SSBP2: variants seen among roughly 807,000 people sequenced by gnomAD.
SSBP2 encodes the protein single-stranded DNA-binding protein 2.
A neutral mutation model predicts 61.8 loss-of-function variants in SSBP2; 17 were observed. The ratio of observed to expected loss-of-function variants is 0.28; its 90% confidence interval spans 0.19 to 0.41. The LOEUF (loss-of-function observed/expected upper bound fraction) is 0.41. SSBP2 is among the 10% of genes least tolerant of loss of function. SSBP2 has a pLI of 1.00. For missense variants in SSBP2, 310 were observed against 458.7 expected, an observed-to-expected ratio of 0.68 and a Z score of 2.96; for synonymous variants, 139 against 141.3, an observed-to-expected ratio of 0.98 and a Z score of 0.12.
intron 8 of SSBP2, among the ~76,000 whole-genome samples, chr5:81,467,995 T>C (rs1765006759): frequency 6.6e-6 from 1 of 152,030 alleles, no homozygotes; most frequent in Non-Finnish European, 1.5e-5. Context: ...CTGATCATGA[T>C]GTCTTTCCTA....
At position 81,751,048 on chromosome 5, in the gene SSBP2, T is replaced by C; in HGVS notation, c.-6A>G. The C allele has an allele frequency of 6.3e-7, 1 of 1,591,098 alleles. No individual in the cohort carries two copies. Among genetic ancestry groups the C allele is most frequent in the Non-Finnish European group, 8.6e-7 (1 of 1,168,846 alleles). ...CTCTTGCCTTTGCCGTACATGCTTG[T>C]GCCGAGAGCAGCTCCCACTGTCACG... On this transcript the variant is annotated 5_prime_UTR_variant, in exon 1 of 17. Coordinates refer to ENST00000320672, the MANE Select transcript of SSBP2 (RefSeq NM_012446.5).
At chr5:81,642,857 G>A (rs756021389) in intron 2 of SSBP2, among the ~76,000 whole-genome samples, 2 of 151,944 alleles carry the variant, frequency 1.3e-5, no homozygotes, top group African/African-American at 4.8e-5. Context: ...GCTAACATTT[G>A]TACAAAAAAG....
At chr5:81,436,185 CAAAAAAAAAAAAAAA>C (rs34499225) in intron 15 of SSBP2, among the ~76,000 whole-genome samples, 4 of 54,572 alleles carry the variant, frequency 7.3e-5, no homozygotes, top group South Asian at 1.0e-3. Flanking sequence ...AAGACTCCAT[CAAAAAAAAAAAAAAA>C]AAAAAAAAAA....
chr5:81,677,144 G>A (rs115165143), intron 1 of SSBP2, among the ~76,000 whole-genome samples: 75 of 152,192 alleles, frequency 4.9e-4, no homozygotes, highest in Non-Finnish European at 9.7e-4. Flanking sequence ...CTTTAAGAGT[G>A]GCAGAAAAAT....
intron 1 of SSBP2, among the ~76,000 whole-genome samples, chr5:81,690,655 C>A (rs1274754654): frequency 6.6e-6 from 1 of 152,094 alleles, no homozygotes; most frequent in Non-Finnish European, 1.5e-5. Context: ...CCTCTTTGAG[C>A]ATTTGACAGA....
At chr5:81,726,926 CTTTAA>C (rs1755926223) in intron 1 of SSBP2, among the ~76,000 whole-genome samples, 3 of 152,212 alleles carry the variant, frequency 2.0e-5, no homozygotes, top group Non-Finnish European at 2.9e-5. Context: ...CCTTTTCCTC[CTTTAA>C]TTTCTTTTGC....
chr5:81,723,315 A>G (rs1160987873), intron 1 of SSBP2, among the ~76,000 whole-genome samples: 1 of 152,028 alleles, frequency 6.6e-6, no homozygotes, highest in Non-Finnish European at 1.5e-5. Flanking sequence ...GGAAAAATTC[A>G]TAATGACCAG....
intron 4 of SSBP2, among the ~76,000 whole-genome samples, chr5:81,519,732 G>A (rs1188804048): frequency 6.6e-6 from 1 of 151,970 alleles, no homozygotes; most frequent in Non-Finnish European, 1.5e-5. Flanking sequence ...GGATGACTTC[G>A]TGGAGCAGAG....
intron 6 of SSBP2, 55 bp from the exon 7 acceptor site, chr5:81,474,617 G>GT (rs946184856): frequency 2.0e-5 from 26 of 1,324,766 alleles, no homozygotes; most frequent in Non-Finnish European, 2.5e-5. Flanking sequence ...TATAAAATAA[G>GT]TTTTTTAACA....
At chr5:81,489,055 T>C (rs1447749531) in intron 6 of SSBP2, among the ~76,000 whole-genome samples, 195 bp downstream of exon 6, 1 of 152,130 alleles carries the variant, frequency 6.6e-6, no homozygotes, top group African/African-American at 2.4e-5. Context: ...TGTGTGGATG[T>C]TTTTCAATAA....
intron 8 of SSBP2, among the ~76,000 whole-genome samples, chr5:81,471,859 A>G (rs1765267812): frequency 6.6e-6 from 1 of 151,976 alleles, no homozygotes; most frequent in African/African-American, 2.4e-5. Context: ...CATCTCCAAA[A>G]AGTCTGGCTA....
At chr5:81,557,231 T>C (rs181677359) in intron 4 of SSBP2, among the ~76,000 whole-genome samples, 9 of 152,316 alleles carry the variant, frequency 5.9e-5, no homozygotes, top group Middle Eastern at 6.8e-3. Context: ...TTTTCCTCTA[T>C]ACATAATGTG....
intron 3 of SSBP2, among the ~76,000 whole-genome samples, chr5:81,616,969 G>T (rs1746125932): frequency 7.2e-6 from 1 of 138,806 alleles, no homozygotes; most frequent in Non-Finnish European, 1.6e-5. Context: ...CATCATCAAA[G>T]ACCAAAAGTA....
chr5:81,727,772 T>C (rs992694107), intron 1 of SSBP2, among the ~76,000 whole-genome samples: 4 of 152,230 alleles, frequency 2.6e-5, no homozygotes, highest in Non-Finnish European at 4.4e-5. Flanking sequence ...GCAAAGTGAC[T>C]AAGGATTCAA....
At chr5:81,703,556 T>C (rs1299388775) in intron 1 of SSBP2, among the ~76,000 whole-genome samples, 4 of 151,482 alleles carry the variant, frequency 2.6e-5, no homozygotes, top group Non-Finnish European at 2.9e-5. Context: ...ACTTAAAGTA[T>C]AATAATAATA....
intron 1 of SSBP2, among the ~76,000 whole-genome samples, chr5:81,726,068 A>G (rs1319622467): frequency 1.3e-5 from 2 of 152,232 alleles, no homozygotes; most frequent in Non-Finnish European, 2.9e-5. Flanking sequence ...GACATATTCA[A>G]AAAAACATTA....
At position 81,547,847 on chromosome 5, in the gene SSBP2, T is replaced by C. The variant is rs191159740; in HGVS notation, c.283-34130A>G. ...GCTACATACTGTATGATTCCAAATATATGATATTCTGGAAAAGGCAAAAGG... is the reference window on the plus strand; with the variant it reads ...GCTACATACTGTATGATTCCAAATACATGATATTCTGGAAAAGGCAAAAGG... On this transcript the variant is annotated intron_variant, in intron 4 of 16. Transcript: ENST00000320672. Among the ~76,000 whole-genome samples the C allele has an allele frequency of 4.7e-3, 720 of 152,258 alleles. 2 individuals carry two copies. Among genetic ancestry groups the C allele is most frequent in the Non-Finnish European group, 6.5e-3 (442 of 68,014 alleles).
chr5:81,723,101 T>C (rs1026385216), intron 1 of SSBP2, among the ~76,000 whole-genome samples: 1 of 152,044 alleles, frequency 6.6e-6, no homozygotes, highest in Non-Finnish European at 1.5e-5. Context: ...TGAAAGTAAA[T>C]TAAGACAAAT....
rs151202879 is a variant in SSBP2 at position 81,589,874 on chromosome 5, G to GGA, written c.282+25597_282+25598dup. ...GTGAGAGAGCAAGAGGGTGAGAGAG[G>GGA]GAGAGAGAGAGAGAGAGATCAAACT... On this transcript the variant is annotated intron_variant, in intron 4 of 16. Transcript: ENST00000320672. Among the ~76,000 whole-genome samples, 1,232 of 150,694 alleles carry GGA rather than the reference G, an allele frequency of 8.2e-3. 21 individuals are homozygous for GGA. Among genetic ancestry groups the GGA allele is most frequent in the African/African-American group, 0.028 (1,137 of 41,120 alleles).
Sources: allele counts gnomAD v4.1 joint callset (sites outside exome capture counted in the v4.1 genomes callset), GRCh38; gene constraint gnomAD v4.1.1; transcripts MANE v1.5; gene names NCBI Gene and HGNC (gene_info 2026-07-23, HGNC 2026-07-21).